Variants in PRKD1 observed in about 807,000 individuals in gnomAD.
PRKD1 encodes the protein protein kinase D1, also known as serine/threonine-protein kinase D1.
PRKD1 carries 63 observed loss-of-function variants against 95.9 expected under a neutral mutation model. That is an observed-to-expected ratio of 0.66 (90% CI 0.54 to 0.81). The LOEUF (loss-of-function observed/expected upper bound fraction) is 0.81, where lower values mean the gene tolerates loss of function less well. Among genes scored for constraint, PRKD1 ranks in the 30% least tolerant of loss-of-function variants. PRKD1 has a pLI of 0.00. For missense variants in PRKD1, 1,048 were observed against 1,165.3 expected, an observed-to-expected ratio of 0.90 and a Z score of 1.47; for synonymous variants, 425 against 423.1, an observed-to-expected ratio of 1.00 and a Z score of -0.05.
chr14:29,918,215 T>C (rs1477921682), intron 1 of PRKD1, among the ~76,000 whole-genome samples: 3 of 152,138 alleles, frequency 2.0e-5, no homozygotes, highest in South Asian at 2.1e-4. Flanking sequence ...TTATATATCA[T>C]AGTATATATA....
chr14:29,754,342 C>A (rs1887606030), intron 1 of PRKD1, among the ~76,000 whole-genome samples: 1 of 152,138 alleles, frequency 6.6e-6, no homozygotes, highest in Admixed American at 6.6e-5. Context: ...TAAGTGATGT[C>A]ATCAAATTCA....
At chr14:29,673,048 T>C (rs926506079) in intron 2 of PRKD1, among the ~76,000 whole-genome samples, 23 of 152,216 alleles carry the variant, frequency 1.5e-4, no homozygotes, top group Admixed American at 1.4e-3. Flanking sequence ...ATCCTTTATT[T>C]CTTTTCCAGG....
chr14:29,610,340 TA>T (rs1167207270), intron 13 of PRKD1, among the ~76,000 whole-genome samples: 1 of 151,824 alleles, frequency 6.6e-6, no homozygotes, highest in Non-Finnish European at 1.5e-5. Context: ...ACAGCCAGAT[TA>T]AAAAAATGGG....
intron 1 of PRKD1, among the ~76,000 whole-genome samples, chr14:29,886,064 C>G (rs1239254203): frequency 6.6e-6 from 1 of 152,128 alleles, no homozygotes; most frequent in African/African-American, 2.4e-5. Flanking sequence ...TCTCCGGTAT[C>G]CACACAAAGC....
intron 1 of PRKD1, among the ~76,000 whole-genome samples, chr14:29,908,146 A>T (rs1484718003): frequency 1.3e-5 from 2 of 152,112 alleles, no homozygotes; most frequent in Admixed American, 1.3e-4. Context: ...AAAGCAAAAA[A>T]AAAAAAAAAA....
rs755470142 is a variant in PRKD1 at position 29,825,037 on chromosome 14, C to T, written c.265-99363G>A. Among the ~76,000 whole-genome samples the T allele has an allele frequency of 9.9e-5, 15 of 151,992 alleles. No individual in the cohort carries two copies. The South Asian group carries it at 1.5e-3, about 15-fold the overall frequency. Reference sequence around the variant, plus strand: ...TTTCATGGAAGGATTGGAATATCCACGCTTCAAATTTTTATTGGGTATAAA... The same window carrying T: ...TTTCATGGAAGGATTGGAATATCCATGCTTCAAATTTTTATTGGGTATAAA... On this transcript the variant is annotated intron_variant, in intron 1 of 17. Coordinates refer to ENST00000331968, the MANE Select transcript of PRKD1 (RefSeq NM_002742.3).
At chr14:29,677,411 C>T (rs138196184) in intron 2 of PRKD1, among the ~76,000 whole-genome samples, 355 of 152,216 alleles carry the variant, frequency 2.3e-3, no homozygotes, top group Non-Finnish European at 4.0e-3. Flanking sequence ...AGAATCCAGG[C>T]CTACACATGA....
At chr14:29,787,789 T>G (rs1250761162) in intron 1 of PRKD1, among the ~76,000 whole-genome samples, 2 of 152,186 alleles carry the variant, frequency 1.3e-5, no homozygotes, top group Non-Finnish European at 2.9e-5. Context: ...AAAAATTCAT[T>G]CAGCCAGTCT....
At chr14:29,611,190 A>G (rs954474643) in intron 13 of PRKD1, among the ~76,000 whole-genome samples, 1 of 152,216 alleles carries the variant, frequency 6.6e-6, no homozygotes, top group Non-Finnish European at 1.5e-5. Flanking sequence ...CACTCTAACA[A>G]ATGTACCACT....
At chr14:29,799,944 C>T (rs564579904) in intron 1 of PRKD1, among the ~76,000 whole-genome samples, 48 of 152,172 alleles carry the variant, frequency 3.2e-4, no homozygotes, top group African/African-American at 1.1e-3. Flanking sequence ...TCTTGGTGAT[C>T]GTGCTGCTCA....
intron 1 of PRKD1, among the ~76,000 whole-genome samples, chr14:29,873,158 T>G (rs930811034): frequency 2.6e-5 from 4 of 152,170 alleles, no homozygotes; most frequent in African/African-American, 9.7e-5. Flanking sequence ...AGATCGCAGC[T>G]CACTGCAACC....
chr14:29,748,612 G>A (rs994324717), intron 1 of PRKD1, among the ~76,000 whole-genome samples: 1 of 152,166 alleles, frequency 6.6e-6, no homozygotes, highest in Non-Finnish European at 1.5e-5. Flanking sequence ...TTGAAGCCCC[G>A]TTTACCATTT....
chr14:29,660,007 CT>C (rs1166398361), intron 4 of PRKD1, among the ~76,000 whole-genome samples: 2 of 152,096 alleles, frequency 1.3e-5, no homozygotes, highest in Non-Finnish European at 2.9e-5. Flanking sequence ...TTTAAAAAAG[CT>C]TTTCCTACTC....
intron 1 of PRKD1, among the ~76,000 whole-genome samples, chr14:29,876,906 C>G (rs540798818): frequency 2.0e-5 from 3 of 152,218 alleles, no homozygotes; most frequent in African/African-American, 7.2e-5. Context: ...AATCCTAGCA[C>G]GTTGGGAGGC....
chr14:29,725,659 A>C lies in PRKD1; in HGVS notation c.280T>G (p.Phe94Val). 1 of 1,613,456 alleles carries C rather than the reference A, an allele frequency of 6.2e-7. No individual in the cohort carries two copies. The change falls in exon 2 of 18, where the codon TTC becomes GTC. Residue 94 changes from phenylalanine to valine, a missense_variant. By Grantham distance (50) the Phe-to-Val change is conservative. Coordinates refer to ENST00000331968, the MANE Select transcript of PRKD1 (RefSeq NM_002742.3). ...IVDQKFPECG[F>V]YGMYDKILLF... ...AGGATCTTATCATACATTCCGTAGA[A>C]ACCACATTCAGGGAACTGCAAATAC...
intron 1 of PRKD1, among the ~76,000 whole-genome samples, chr14:29,892,911 T>A (rs572116047): frequency 6.6e-5 from 10 of 152,358 alleles, no homozygotes; most frequent in African/African-American, 2.4e-4. Context: ...ATCAAACTTA[T>A]GTTGGAATTG....
chr14:29,613,536 A>G (rs1449658022), intron 13 of PRKD1, among the ~76,000 whole-genome samples: 1 of 152,208 alleles, frequency 6.6e-6, no homozygotes, highest in East Asian at 1.9e-4. Context: ...TATTTCATTC[A>G]ACAAATATTT....
intron 2 of PRKD1, among the ~76,000 whole-genome samples, chr14:29,697,565 A>T (rs1394615740): frequency 6.6e-6 from 1 of 152,186 alleles, no homozygotes; most frequent in Non-Finnish European, 1.5e-5. Flanking sequence ...CAGTATGTTA[A>T]CCCATTGCAA....
chr14:29,612,836 C>T (rs61977964), intron 13 of PRKD1, among the ~76,000 whole-genome samples: 34,235 of 152,070 alleles, frequency 0.23, 3,911 homozygotes, highest in South Asian at 0.26. Context: ...CGGTGGCTCA[C>T]GCCTGTAAAC....
Sources: gnomAD v4.1 joint callset for allele counts (sites outside exome capture counted in the v4.1 genomes callset) on GRCh38, gnomAD v4.1.1 for gene constraint, MANE v1.5 for transcripts, NCBI Gene and HGNC (gene_info 2026-07-23, HGNC 2026-07-21) for gene names.